Variants in ARHGAP15 observed in about 807,000 individuals in gnomAD.
ARHGAP15 encodes rho GTPase-activating protein 15.
In ARHGAP15, 51 loss-of-function variants were observed where a neutral mutation model predicts 63.7. That is an observed-to-expected ratio of 0.80 (90% CI 0.64 to 1.01). The LOEUF is 1.01. Among genes scored for constraint, ARHGAP15 ranks in the 50% least tolerant of loss-of-function variants. The pLI is 0.00. For missense variants in ARHGAP15, 560 were observed against 564.6 expected (o/e 0.99, Z 0.08); for synonymous variants, 191 against 193.8 (o/e 0.99, Z 0.12).
At chr2:143,279,970 G>C (rs1267038664) in intron 6 of ARHGAP15, among the ~76,000 whole-genome samples, 2 of 152,096 alleles carry the variant, frequency 1.3e-5, no homozygotes, top group African/African-American at 4.8e-5. Context: ...GGGAGAGCTT[G>C]GGAAGTGGCT....
At chr2:143,642,429 C>T (rs1381895356) in intron 12 of ARHGAP15, among the ~76,000 whole-genome samples, 2 of 151,996 alleles carry the variant, frequency 1.3e-5, no homozygotes, top group African/African-American at 4.8e-5. Context: ...GGTAAGTTTC[C>T]AAAATGTTTT....
intron 1 of ARHGAP15, among the ~76,000 whole-genome samples, chr2:143,132,905 T>C (rs1373864700): frequency 1.3e-5 from 2 of 152,100 alleles, no homozygotes; most frequent in Non-Finnish European, 2.9e-5. Flanking sequence ...TTTCAACAGC[T>C]ACTGTATGTT....
chr2:143,432,016 G>T (rs941503574), intron 6 of ARHGAP15, among the ~76,000 whole-genome samples: 1 of 151,938 alleles, frequency 6.6e-6, no homozygotes, highest in Non-Finnish European at 1.5e-5. Flanking sequence ...CTGATGAGGT[G>T]TATCTATCTA....
In ARHGAP15 at chr2:143,511,690, C is replaced by A. The variant is rs568479874; in HGVS notation, c.827-7576C>A. Among the ~76,000 whole-genome samples, 3 of 152,208 alleles carry A rather than the reference C, an allele frequency of 2.0e-5. No homozygotes were observed. In the South Asian group the frequency reaches 6.2e-4, roughly 32 times the overall value. On this transcript the variant is annotated intron_variant, in intron 9 of 13. Transcript: ENST00000295095. ...AGTTCATTAATGCTTGCCTGGAAAG[C>A]AGAATGCCTTTTCTCTCCCTCCCTT...
chr2:143,134,636 T>TAA (rs1436893146), intron 1 of ARHGAP15, among the ~76,000 whole-genome samples: 1 of 9,514 alleles, frequency 1.1e-4, no homozygotes, highest in Non-Finnish European at 5.3e-4. Flanking sequence ...CCTTTTCTTT[T>TAA]TTTTTTTTTT....
intron 6 of ARHGAP15, among the ~76,000 whole-genome samples, chr2:143,269,280 A>G (rs1681152033): frequency 6.6e-6 from 1 of 152,162 alleles, no homozygotes; most frequent in Non-Finnish European, 1.5e-5. Context: ...CAGAATTTAG[A>G]TGATATTTAA....
In ARHGAP15 at chr2:143,320,411, C is replaced by CGCCCCCCCCCCCG. The variant is rs1304524508; in HGVS notation, c.474+69811_474+69812insGCCCCCCCCCCCG. Among the ~76,000 whole-genome samples, 60 of 40,720 alleles carry CGCCCCCCCCCCCG rather than the reference C, an allele frequency of 1.5e-3. 1 individual carries two copies. Among genetic ancestry groups the CGCCCCCCCCCCCG allele is most frequent in the Admixed American group, 2.2e-3 (7 of 3,156 alleles). The allele number at this position is 40,720 out of a possible 152,430, so 26.7% of individuals were successfully genotyped here. A position where few individuals can be genotyped will look rare whatever the true frequency, so the allele number is the denominator to read the frequency against. ...TGCCACAAATCAGGACTTCCCCACC[C>CGCCCCCCCCCCCG]CCCCCCCCCCCAGAGATCCTATGAT... On this transcript the variant is annotated intron_variant, in intron 6 of 13. Transcript: ENST00000295095.
rs559956865 is a variant in ARHGAP15, at chr2:143,207,642, T to C, written c.234+5440T>C. ...TCTTGCTGTGTCTTGTGAACATGGA[T>C]AACATTCAACTTTTATCCATCAATC... On this transcript the variant is annotated intron_variant, in intron 3 of 13. Coordinates refer to ENST00000295095, the MANE Select transcript of ARHGAP15 (RefSeq NM_018460.4). Among the ~76,000 whole-genome samples the C allele has an allele frequency of 9.9e-5, 15 of 152,204 alleles. No individual in the cohort carries two copies. In the South Asian group the frequency reaches 2.1e-3, roughly 21 times the overall value.
At chr2:143,657,903 T>G (rs960255252) in intron 12 of ARHGAP15, among the ~76,000 whole-genome samples, 2 of 152,272 alleles carry the variant, frequency 1.3e-5, no homozygotes, top group African/African-American at 4.8e-5. Flanking sequence ...CTTCTGATTC[T>G]GTTCCTTCAG....
chr2:143,417,131 A>G (rs79656279), intron 6 of ARHGAP15, among the ~76,000 whole-genome samples: 15,084 of 151,862 alleles, frequency 0.099, 957 homozygotes, highest in South Asian at 0.17. Context: ...GAGTAAGCAG[A>G]AAGATTCAAC....
intron 5 of ARHGAP15, chr2:143,238,385 G>T (rs1407064843): frequency 6.6e-6 from 1 of 151,904 alleles, no homozygotes; most frequent in Non-Finnish European, 1.5e-5. Flanking sequence ...GTAGGCAAAG[G>T]ACATGAACAG....
At chr2:143,507,151 T>A (rs1012120784) in intron 9 of ARHGAP15, among the ~76,000 whole-genome samples, 6 of 152,186 alleles carry the variant, frequency 3.9e-5, no homozygotes, top group Non-Finnish European at 8.8e-5. Flanking sequence ...ATTGTAATCA[T>A]TTTTACTCTT....
chr2:143,354,557 A>G (rs1685723964), intron 6 of ARHGAP15, among the ~76,000 whole-genome samples: 1 of 152,140 alleles, frequency 6.6e-6, no homozygotes, highest in Non-Finnish European at 1.5e-5. Flanking sequence ...TCAATAACAA[A>G]ATATTAAATG....
intron 8 of ARHGAP15, among the ~76,000 whole-genome samples, chr2:143,438,758 G>A (rs1423912717): frequency 1.3e-5 from 2 of 152,078 alleles, no homozygotes; most frequent in Non-Finnish European, 2.9e-5. Context: ...GAGACATAAG[G>A]TAAGATTTCA....
intron 11 of ARHGAP15, chr2:143,587,623 G>T: frequency 2.4e-6 from 1 of 420,586 alleles, no homozygotes; most frequent in Non-Finnish European, 4.9e-6. Context: ...GCTTTAGTTG[G>T]CTTTTCCCTT....
At chr2:143,458,945 T>C (rs1690788678) in intron 8 of ARHGAP15, among the ~76,000 whole-genome samples, 1 of 152,166 alleles carries the variant, frequency 6.6e-6, no homozygotes, top group South Asian at 2.1e-4. Context: ...GATACTAATT[T>C]TTTTTCTTCT....
intron 5 of ARHGAP15, chr2:143,237,546 C>A (rs967101622): frequency 6.6e-5 from 10 of 152,144 alleles, no homozygotes; most frequent in Middle Eastern, 3.2e-3. Context: ...TCAGTGAGCA[C>A]CCGTTGCAAA....
chr2:143,352,481 T>A (rs1186171129), intron 6 of ARHGAP15, among the ~76,000 whole-genome samples: 1 of 152,294 alleles, frequency 6.6e-6, no homozygotes, highest in African/African-American at 2.4e-5. Context: ...TTTTTTAGAC[T>A]AGTATTTTCT....
intron 11 of ARHGAP15, among the ~76,000 whole-genome samples, chr2:143,618,727 A>G (rs909759906): frequency 1.3e-5 from 2 of 152,222 alleles, no homozygotes. Context: ...AGACTAGGTT[A>G]AAACAGGTTG....
Sources: allele counts gnomAD v4.1 joint callset (sites outside exome capture counted in the v4.1 genomes callset), GRCh38; gene constraint gnomAD v4.1.1; transcripts MANE v1.5; gene names NCBI Gene and HGNC (gene_info 2026-07-23, HGNC 2026-07-21).